The following EPHA5 variants were observed in gnomAD, a reference collection of about 807,000 sequenced individuals.
EPHA5 encodes the protein ephrin type-A receptor 5.
In EPHA5, 60 loss-of-function variants were observed where a neutral mutation model predicts 105.0. That is an observed-to-expected ratio of 0.57 (90% CI 0.46 to 0.71). The LOEUF (loss-of-function observed/expected upper bound fraction) is 0.71, where lower values mean the gene tolerates loss of function less well. EPHA5 is among the 30% of genes least tolerant of loss of function. The probability of loss-of-function intolerance (pLI) is 0.00; values close to 1 mark genes in which losing one functional copy is unlikely to be tolerated. For synonymous variants in EPHA5, 513 were observed against 449.1 expected (o/e 1.14, Z -1.80); for missense variants, 1,218 against 1,274.7 (o/e 0.96, Z 0.68).
intron 9 of EPHA5, among the ~76,000 whole-genome samples, chr4:65,366,948 TTCCCACTAAAAGC>T (rs1717965767): frequency 6.6e-6 from 1 of 151,268 alleles, no homozygotes; most frequent in Non-Finnish European, 1.5e-5. Flanking sequence ...TTCAGGTAAA[TTCCCACTAAAAGC>T]TAGAAGAAAA....
At chr4:65,418,862 C>A (rs79578905) in intron 6 of EPHA5, among the ~76,000 whole-genome samples, 1 of 47,042 alleles carries the variant, frequency 2.1e-5, no homozygotes, top group African/African-American at 1.1e-4. Flanking sequence ...TACCTAAACT[C>A]TTTTTTTTTT....
intron 5 of EPHA5, among the ~76,000 whole-genome samples, chr4:65,442,949 C>T (rs1486783594): frequency 6.6e-6 from 1 of 152,080 alleles, no homozygotes; most frequent in Non-Finnish European, 1.5e-5. Context: ...CTAAGTTCAC[C>T]AGATCATGAT....
intron 3 of EPHA5, among the ~76,000 whole-genome samples, chr4:65,528,180 C>A (rs1735422038): frequency 6.6e-6 from 1 of 151,812 alleles, no homozygotes; most frequent in Admixed American, 6.6e-5. Context: ...TAGATGTTTG[C>A]AAAATATAAT....
chr4:65,635,446 C>A (rs1747032174), intron 2 of EPHA5, among the ~76,000 whole-genome samples: 2 of 152,008 alleles, frequency 1.3e-5, no homozygotes, highest in Admixed American at 1.3e-4. Flanking sequence ...AAAATCAAAG[C>A]AGAATTAGCA....
intron 8 of EPHA5, among the ~76,000 whole-genome samples, chr4:65,404,103 A>C (rs1722118648): frequency 6.6e-6 from 1 of 152,318 alleles, no homozygotes; most frequent in Non-Finnish European, 1.5e-5. Flanking sequence ...TATGTGTCAT[A>C]TAAAGAGATA....
At chr4:65,370,700 T>C (rs566914185) in intron 8 of EPHA5, among the ~76,000 whole-genome samples, 2 of 152,224 alleles carry the variant, frequency 1.3e-5, no homozygotes, top group Admixed American at 6.5e-5. Flanking sequence ...GACTTGGAAA[T>C]ACCTTGGTGA....
intron 3 of EPHA5, among the ~76,000 whole-genome samples, chr4:65,596,549 A>G (rs13107392): frequency 0.061 from 9,336 of 152,238 alleles, 387 homozygotes; most frequent in Admixed American, 0.11. Flanking sequence ...ATTAGAACTA[A>G]TCTAAAAGTA....
rs184546197 is a variant in EPHA5 at position 65,534,867 on chromosome 4, C to T, written c.911-39324G>A. ...ACTGAAAAGTGGCCATTATGTGAAA[C>T]AACCTGCAGATAAACATTTTTATTT... is the stretch of plus-strand genomic sequence containing the variant. On this transcript the variant is annotated intron_variant, in intron 3 of 16. Coordinates refer to ENST00000613740, the MANE Select transcript of EPHA5 (RefSeq NM_001281766.3). Among the ~76,000 whole-genome samples, 215 of 152,306 alleles carry T rather than the reference C, an allele frequency of 1.4e-3. 1 individual carries two copies. The highest frequency in any genetic ancestry group is 2.3e-3 in the East Asian group (12 of 5,190).
At chr4:65,528,284 G>A (rs145427160) in intron 3 of EPHA5, among the ~76,000 whole-genome samples, 25 of 152,150 alleles carry the variant, frequency 1.6e-4, no homozygotes, top group Non-Finnish European at 3.5e-4. Context: ...CCTTCTAAAT[G>A]TAGCCTAACA....
At chr4:65,512,276 C>T (rs1733698851) in intron 3 of EPHA5, among the ~76,000 whole-genome samples, 1 of 152,028 alleles carries the variant, frequency 6.6e-6, no homozygotes, top group Non-Finnish European at 1.5e-5. Context: ...CTAAGCATGA[C>T]ATTGCTAGTG....
At chr4:65,484,238 C>G (rs138190361) in intron 5 of EPHA5, among the ~76,000 whole-genome samples, 1 of 152,176 alleles carries the variant, frequency 6.6e-6, no homozygotes, top group African/African-American at 2.4e-5. Context: ...CCATATTGTT[C>G]TAATGGTCTC....
At chr4:65,378,765 G>A (rs1719263992) in intron 8 of EPHA5, among the ~76,000 whole-genome samples, 1 of 149,280 alleles carries the variant, frequency 6.7e-6, no homozygotes, top group Non-Finnish European at 1.5e-5. Context: ...GACTGCTCTT[G>A]TTTGCTTGTT....
chr4:65,546,017 G>T (rs767061556), intron 3 of EPHA5, among the ~76,000 whole-genome samples: 9 of 151,838 alleles, frequency 5.9e-5, no homozygotes, highest in Admixed American at 4.6e-4. Flanking sequence ...ACAACTACTC[G>T]ACTCTGAATG....
intron 7 of EPHA5, among the ~76,000 whole-genome samples, 189 bp downstream of exon 7, chr4:65,414,095 C>T (rs529571789): frequency 2.6e-5 from 4 of 152,152 alleles, no homozygotes; most frequent in Non-Finnish European, 5.9e-5. Flanking sequence ...ATGAGGAGCA[C>T]GGACCAACGT....
intron 3 of EPHA5, among the ~76,000 whole-genome samples, chr4:65,506,273 C>A (rs972129213): frequency 2.0e-5 from 3 of 151,920 alleles, no homozygotes; most frequent in Non-Finnish European, 4.4e-5. Context: ...GGTTGGTTCC[C>A]AGTCTTTGCT....
intron 3 of EPHA5, among the ~76,000 whole-genome samples, chr4:65,556,946 T>G (rs1217863868): frequency 6.6e-6 from 1 of 151,948 alleles, no homozygotes; most frequent in Admixed American, 6.6e-5. Flanking sequence ...TGGAATGAGT[T>G]TTCCTTCACT....
At chr4:65,500,579 A>C (rs1439519330) in intron 3 of EPHA5, among the ~76,000 whole-genome samples, 1 of 150,664 alleles carries the variant, frequency 6.6e-6, no homozygotes, top group Non-Finnish European at 1.5e-5. Flanking sequence ...AATTGCATCG[A>C]TTTTTCGCCA....
At chr4:65,340,982 C>T (rs894058389) in intron 14 of EPHA5, among the ~76,000 whole-genome samples, 1 of 152,098 alleles carries the variant, frequency 6.6e-6, no homozygotes, top group Non-Finnish European at 1.5e-5. Context: ...AACCAATCAT[C>T]CTTCCTTCCT....
At chr4:65,405,285 CT>C (rs5858958) in intron 7 of EPHA5, among the ~76,000 whole-genome samples, 149,080 of 152,244 alleles carry the variant, frequency 0.98, 73,088 homozygotes, top group East Asian at 1. Context: ...AATAAAACGC[CT>C]TATAGGGCAA....
Sources: allele counts gnomAD v4.1 joint callset (sites outside exome capture counted in the v4.1 genomes callset), GRCh38; gene constraint gnomAD v4.1.1; transcripts MANE v1.5; gene names NCBI Gene and HGNC (gene_info 2026-07-23, HGNC 2026-07-21).